BRINP2: variants seen among roughly 807,000 people sequenced by gnomAD.
The protein encoded by BRINP2 is BMP/retinoic acid inducible neural specific 2, also known as BMP/retinoic acid-inducible neural-specific protein 2.
In BRINP2, 21 loss-of-function variants were observed where a neutral mutation model predicts 69.2. The ratio of observed to expected loss-of-function variants is 0.30; its 90% CI spans 0.22 to 0.44. The LOEUF (loss-of-function observed/expected upper bound fraction) is 0.44. Among genes scored for constraint, BRINP2 ranks in the 20% least tolerant of loss-of-function variants. BRINP2 has a pLI of 1.00. For missense variants in BRINP2, 877 were observed against 986.0 expected, an observed-to-expected ratio of 0.89 and a Z score of 1.48; for synonymous variants, 380 against 394.1, an observed-to-expected ratio of 0.96 and a Z score of 0.42.
At chr1:177,257,073 T>A (rs776377247) in intron 3 of BRINP2, 103 bp from the exon 4 acceptor site, 2 of 1,567,766 alleles carry the variant, frequency 1.3e-6, no homozygotes, top group African/African-American at 1.3e-5. Context: ...GGGGCTGCAC[T>A]CTCTCTCAGC....
chr1:177,231,090 T>C (rs1243538091), intron 2 of BRINP2, among the ~76,000 whole-genome samples: 1 of 152,248 alleles, frequency 6.6e-6, no homozygotes, highest in Non-Finnish European at 1.5e-5. Context: ...GTTGTTAACA[T>C]ATTGGCTATG....
At chr1:177,238,593 T>C (rs1650103549) in intron 2 of BRINP2, among the ~76,000 whole-genome samples, 1 of 152,290 alleles carries the variant, frequency 6.6e-6, no homozygotes, top group Admixed American at 6.5e-5. Context: ...CAAGAGCCTT[T>C]TGTGAGCTGG....
At chr1:177,227,056 A>T (rs1649714805) in intron 1 of BRINP2, among the ~76,000 whole-genome samples, 1 of 152,150 alleles carries the variant, frequency 6.6e-6, no homozygotes, top group Non-Finnish European at 1.5e-5. Context: ...CTTTCAATGC[A>T]CTCTGCAGTC....
chr1:177,240,602 G>A lies in BRINP2; in HGVS notation c.269+10457G>A, dbSNP rs928492973. On this transcript the variant is annotated intron_variant, in intron 2 of 7. Transcript: ENST00000361539. ...GGTTCATTGAGAAACTCAGGAACAA[G>A]TGAGACTCCGTAAAAGAAATGTGAC... Among the ~76,000 whole-genome samples, 9 of 152,300 alleles carry A rather than the reference G, an allele frequency of 5.9e-5. No homozygotes were observed. The East Asian group carries it at 1.5e-3, about 26-fold the overall frequency.
chr1:177,255,506 A>G (rs1236210234), intron 2 of BRINP2, among the ~76,000 whole-genome samples: 1 of 152,238 alleles, frequency 6.6e-6, no homozygotes, highest in African/African-American at 2.4e-5. Context: ...CTGACTTCAC[A>G]GGTGAGTAAC....
At chr1:177,196,653 C>T (rs1648757483) in intron 1 of BRINP2, among the ~76,000 whole-genome samples, 1 of 151,836 alleles carries the variant, frequency 6.6e-6, no homozygotes, top group African/African-American at 2.4e-5. Flanking sequence ...AATGCAAATT[C>T]TTAGTTCCCA....
Position 177,281,319 on chromosome 1 carries a change from T to C in BRINP2, c.2143T>C (p.Ser715Pro). ...DYPYTQGSQDSALLQLIELRD... is the reference protein window; with the variant it reads ...DYPYTQGSQDPALLQLIELRD... ...CCCATATACTCAAGGTTCCCAGGAC[T>C]CTGCACTCTTGCAGCTCATTGAGCT... The change falls in exon 8 of 8, where the codon TCT becomes CCT. Residue 715 changes from serine (S) to proline (P), a missense_variant. Transcript: ENST00000361539. 1 of 1,614,174 alleles carries C rather than the reference T, an allele frequency of 6.2e-7. No homozygotes were observed. Among genetic ancestry groups the C allele is most frequent in the Non-Finnish European group, 8.5e-7 (1 of 1,180,026 alleles).
intron 4 of BRINP2, among the ~76,000 whole-genome samples, chr1:177,263,920 G>C (rs1416279708): frequency 6.6e-6 from 1 of 152,130 alleles, no homozygotes; most frequent in Middle Eastern, 3.4e-3. Flanking sequence ...CTTCCTGTAC[G>C]TGAACTGCTA....
At position 177,278,780 on chromosome 1, in the gene BRINP2, G is replaced by A; in HGVS notation, c.1230G>A (p.Lys410=). The A allele has an allele frequency of 6.2e-7, 1 of 1,613,860 alleles. No individual in the cohort carries two copies. The highest frequency in any genetic ancestry group is 8.5e-7 in the Non-Finnish European group (1 of 1,180,032). The change falls in exon 7 of 8, where the codon AAG becomes AAA. Residue 410 remains lysine, a synonymous_variant. Coordinates refer to ENST00000361539, the MANE Select transcript of BRINP2 (RefSeq NM_021165.4). ...GCCAGCCTCGCTTCCGCCTGCCCAA[G>A]GAGAGGTGAGCACCCCCTGGCTGCT... ...CHRQPRFRLP[K]ERSLSYWWNR...
intron 1 of BRINP2, among the ~76,000 whole-genome samples, chr1:177,173,041 G>A (rs1276743285): frequency 6.6e-6 from 1 of 151,136 alleles, no homozygotes; most frequent in Admixed American, 6.6e-5. Context: ...CAAATCCCCC[G>A]GGGGGCAGTC....
intron 4 of BRINP2, among the ~76,000 whole-genome samples, chr1:177,271,758 T>C (rs1045780431): frequency 2.6e-5 from 4 of 152,124 alleles, no homozygotes; most frequent in Non-Finnish European, 5.9e-5. Context: ...TTGTGTGGGG[T>C]AGCACAAAAG....
chr1:177,273,415 A>C lies in BRINP2; in HGVS notation c.670-73A>C, dbSNP rs1342216350. The C allele has an allele frequency of 3.1e-6, 3 of 959,906 alleles. No individual in the cohort carries two copies. The African/African-American group carries it at 5.0e-5, about 16-fold the overall frequency. The allele number at this position is 959,906 out of a possible 1,614,324, so 59.5% of individuals were successfully genotyped here. ...CAGGATGTGGAACCTGAGATGGAGC[A>C]GCTGGAGAAGGGAAGTATAAAGGGA... On this transcript the variant is annotated intron_variant, in intron 4 of 7. Coordinates refer to ENST00000361539, the MANE Select transcript of BRINP2 (RefSeq NM_021165.4).
At chr1:177,245,417 T>G (rs1293283098) in intron 2 of BRINP2, among the ~76,000 whole-genome samples, 1 of 152,220 alleles carries the variant, frequency 6.6e-6, no homozygotes, top group Non-Finnish European at 1.5e-5. Flanking sequence ...CCAGAGGGGC[T>G]ATTTCTTTGC....
chr1:177,221,013 A>G (rs1401689582), intron 1 of BRINP2, among the ~76,000 whole-genome samples: 1 of 152,200 alleles, frequency 6.6e-6, no homozygotes, highest in East Asian at 1.9e-4. Flanking sequence ...AAGATTTTAG[A>G]CTTTTCTTCA....
At chr1:177,178,170 A>G (rs1012107541) in intron 1 of BRINP2, among the ~76,000 whole-genome samples, 1 of 152,254 alleles carries the variant, frequency 6.6e-6, no homozygotes, top group South Asian at 2.1e-4. Context: ...TCTCTCCAGC[A>G]TCTTCCCAGG....
intron 4 of BRINP2, among the ~76,000 whole-genome samples, chr1:177,263,582 A>G (rs1297580706): frequency 1.3e-5 from 2 of 152,194 alleles, no homozygotes; most frequent in Non-Finnish European, 2.9e-5. Flanking sequence ...ACCGAAAGGC[A>G]AAGTGCACTC....
At position 177,171,283 on chromosome 1, in the gene BRINP2, G is replaced by GT. The variant is rs1297878941; in HGVS notation, c.-523dup. Among the ~76,000 whole-genome samples the GT allele has an allele frequency of 1.4e-4, 21 of 152,190 alleles. No homozygotes were observed. Among genetic ancestry groups the GT allele is most frequent in the Non-Finnish European group, 2.9e-5 (2 of 68,030 alleles). Reference sequence around the variant, plus strand: ...AGTTGGAAAGAAGGCAAAATCTTGGGTTTCTCCTCGGCGGAGGGACAGGGG... The same window carrying GT: ...AGTTGGAAAGAAGGCAAAATCTTGGGTTTTCTCCTCGGCGGAGGGACAGGGG... On this transcript the variant is annotated 5_prime_UTR_variant, in exon 1 of 8. Transcript: ENST00000361539.
chr1:177,226,130 C>T (rs1649683133), intron 1 of BRINP2, among the ~76,000 whole-genome samples: 2 of 152,228 alleles, frequency 1.3e-5, no homozygotes, highest in Non-Finnish European at 2.9e-5. Context: ...CATGTGTGCT[C>T]TCACCTGTCC....
intron 1 of BRINP2, among the ~76,000 whole-genome samples, chr1:177,229,581 C>G (rs1462134281): frequency 6.6e-6 from 1 of 152,184 alleles, no homozygotes; most frequent in East Asian, 1.9e-4. Flanking sequence ...TAAGCCTCAT[C>G]TTCTTATCTG....
Sources: allele counts gnomAD v4.1 joint callset (sites outside exome capture counted in the v4.1 genomes callset), GRCh38; gene constraint gnomAD v4.1.1; transcripts MANE v1.5; gene names NCBI Gene and HGNC (gene_info 2026-07-23, HGNC 2026-07-21).